SULT2B1: variants seen among roughly 807,000 people sequenced by gnomAD.
SULT2B1 encodes the protein sulfotransferase 2B1.
SULT2B1 carries 16 observed loss-of-function variants against 33.2 expected under a neutral mutation model. The ratio of observed to expected loss-of-function variants is 0.48; its 90% confidence interval spans 0.33 to 0.73. SULT2B1 has a LOEUF of 0.73. Among genes scored for constraint, SULT2B1 ranks in the 30% least tolerant of loss-of-function variants. The pLI, the probability that SULT2B1 is intolerant of heterozygous loss-of-function variation, is 0.02. For missense variants in SULT2B1, 500 were observed against 506.0 expected (o/e 0.99, Z 0.11); for synonymous variants, 186 against 200.5 (o/e 0.93, Z 0.61).
chr19:48,554,858 G>C (rs1973077221), intron 1 of SULT2B1, among the ~76,000 whole-genome samples: 1 of 151,614 alleles, frequency 6.6e-6, no homozygotes, highest in African/African-American at 2.4e-5. Context: ...GAGAGGTTGA[G>C]TAACTTGCCT....
chr19:48,599,091 G>A lies in SULT2B1; in HGVS notation c.827-44G>A. 6.5e-7 allele frequency: 1 copy of A among 1,540,448 alleles called. No homozygotes were observed. The highest frequency in any genetic ancestry group is 8.7e-7 in the Non-Finnish European group (1 of 1,148,094). On this transcript the variant is annotated intron_variant, in intron 6 of 6. Transcript: ENST00000201586. This position sits in a 1 kb window ranked among gnomAD's most constrained non-coding sequence, Gnocchi z 4.1. ...GGAATGTTGGAGGTAGGGGCGCAGT[G>A]CTCCCCAGAGGCTCCTCACCCCCTG...
At chr19:48,591,025 G>C (rs567630063) in intron 3 of SULT2B1, 1 of 152,194 alleles carries the variant, frequency 6.6e-6, no homozygotes, top group Admixed American at 6.6e-5. Context: ...TAGAATGGGG[G>C]TCTCATTATG....
intron 1 of SULT2B1, among the ~76,000 whole-genome samples, chr19:48,560,041 T>C (rs946266516): frequency 5.3e-5 from 8 of 151,304 alleles, no homozygotes; most frequent in African/African-American, 1.7e-4. Context: ...CCCCTATGGC[T>C]CAGGAGCTGG....
At chr19:48,567,464 A>G (rs1430472284) in intron 1 of SULT2B1, among the ~76,000 whole-genome samples, 1 of 152,006 alleles carries the variant, frequency 6.6e-6, no homozygotes. Flanking sequence ...CAGGAGTCTG[A>G]GGCAGGAGAA....
intron 1 of SULT2B1, among the ~76,000 whole-genome samples, chr19:48,566,892 T>A (rs114985570): frequency 0.13 from 19,770 of 151,396 alleles, 1,385 homozygotes; most frequent in African/African-American, 0.16. Context: ...AATCCCAGCT[T>A]CTTGGGAAGT....
intron 1 of SULT2B1, among the ~76,000 whole-genome samples, chr19:48,573,973 G>A (rs550934344): frequency 6.6e-6 from 1 of 152,168 alleles, no homozygotes; most frequent in South Asian, 2.1e-4. Context: ...TGATCCTCCC[G>A]CCTCAGACTC....
Position 48,599,066 on chromosome 19 carries a change from G to A in SULT2B1, c.827-69G>A. On this transcript the variant is annotated intron_variant, in intron 6 of 6. Transcript: ENST00000201586. The surrounding 1 kb of genome is among the most constrained non-coding windows in gnomAD (Gnocchi z 4.1). ...GGCCGGGAAGGGGAAGGAGGTTGCTGGAATGTTGGAGGTAGGGGCGCAGTG... is the reference window on the plus strand; with the variant it reads ...GGCCGGGAAGGGGAAGGAGGTTGCTAGAATGTTGGAGGTAGGGGCGCAGTG... The A allele has an allele frequency of 6.6e-7, 1 of 1,518,068 alleles. No individual in the cohort carries two copies. The highest frequency in any genetic ancestry group is 8.8e-7 in the Non-Finnish European group (1 of 1,138,310). The allele number at this position is 1,518,068 out of a possible 1,614,324, so 94.0% of individuals were successfully genotyped here. A position where few individuals can be genotyped will look rare whatever the true frequency, so the allele number is the denominator to read the frequency against.
Position 48,576,053 on chromosome 19 carries a change from G to C in SULT2B1, c.184G>C (p.Asp62His), listed in dbSNP as rs750329743. 5 of 1,613,176 alleles carry C rather than the reference G, an allele frequency of 3.1e-6. No homozygotes were observed. The South Asian group carries it at 4.4e-5, about 14-fold the overall frequency. The change falls in exon 2 of 7, where the codon GAC becomes CAC. Residue 62 changes from aspartate to histidine, a missense_variant. Asp to His is a moderately conservative substitution (Grantham distance 81, BLOSUM62 -1). Coordinates refer to ENST00000201586, the MANE Select transcript of SULT2B1 (RefSeq NM_177973.2). ...AENTQDVRDD[D>H]IFIITYPKSG... ...GAACACCCAAGATGTGCGGGACGAC[G>C]ACATCTTTATCATCACCTACCCCAA...
chr19:48,593,409 G>A lies in SULT2B1; in HGVS notation c.645+593G>A, dbSNP rs1367683781. Among the ~76,000 whole-genome samples, 4 of 151,630 alleles carry A rather than the reference G, an allele frequency of 2.6e-5. No homozygotes were observed. The East Asian group carries it at 8.0e-4, about 30-fold the overall frequency. ...TCTACTAAAAATACAAAAATTAGCC[G>A]GGCACAGTGGCACATGCCTGTAGTC... On this transcript the variant is annotated intron_variant, in intron 5 of 6. Transcript: ENST00000201586.
chr19:48,592,879 C>G, intron 5 of SULT2B1, 63 bp downstream of exon 5: 1 of 1,420,018 alleles, frequency 7.0e-7, no homozygotes, highest in Non-Finnish European at 9.7e-7. Context: ...ACCCCACACT[C>G]TCCCCTTCCC....
intron 6 of SULT2B1, 75 bp downstream of exon 6, chr19:48,596,994 T>C: frequency 7.1e-7 from 1 of 1,415,380 alleles, no homozygotes; most frequent in Non-Finnish European, 9.4e-7. Flanking sequence ...ACTTAACCTC[T>C]CTGGGCCTCA....
intron 2 of SULT2B1, among the ~76,000 whole-genome samples, chr19:48,583,217 G>C (rs1251740221): frequency 6.6e-6 from 1 of 151,822 alleles, no homozygotes; most frequent in African/African-American, 2.4e-5. Context: ...TGAGAAAATG[G>C]GGCCCTTGTG....
chr19:48,589,087 C>G (rs2147623831), intron 3 of SULT2B1, among the ~76,000 whole-genome samples: 1 of 152,230 alleles, frequency 6.6e-6, no homozygotes, highest in South Asian at 2.1e-4. Flanking sequence ...AGATGGGGAC[C>G]GACTGTCGAG....
chr19:48,596,882 C>A lies in SULT2B1; in HGVS notation c.789C>A (p.Ser263Arg), dbSNP rs1218919183. Reference protein sequence around the residue: ...TMSNYTLLPPSLLDHRRGAFL... With the variant: ...TMSNYTLLPPRLLDHRRGAFL... ...CCAACTACACGCTGCTGCCTCCCAG[C>A]CTGCTGGACCACCGTCGCGGGGCCT... The change falls in exon 6 of 7, where the codon AGC becomes AGA. Residue 263 changes from serine to arginine, a missense_variant. Physicochemically the swap from Ser to Arg is moderately radical, Grantham distance 110 (BLOSUM62 -1). Transcript: ENST00000201586. 1.2e-6 allele frequency: 2 copies of A among 1,605,778 alleles called. No homozygotes were observed. The highest frequency in any genetic ancestry group is 1.7e-5 in the Admixed American group (1 of 59,644).
At chr19:48,588,968 G>A (rs529594258) in intron 3 of SULT2B1, among the ~76,000 whole-genome samples, 29 of 152,358 alleles carry the variant, frequency 1.9e-4, no homozygotes, top group African/African-American at 6.5e-4. Context: ...GGGCCGCGTG[G>A]GCCCGGTGCG....
At position 48,596,823 on chromosome 19, in the gene SULT2B1, T is replaced by G. The variant is rs765224593; in HGVS notation, c.730T>G (p.Ser244Ala). The G allele has an allele frequency of 6.2e-7, 1 of 1,609,988 alleles. No homozygotes were observed. The highest frequency in any genetic ancestry group is 2.2e-5 in the East Asian group (1 of 44,864). ...KEALGSVVAH[S>A]TFSAMKANTM... is the part of the protein sequence containing the mutation. ...GGCACTGGGCTCCGTCGTGGCACAC[T>G]CAACCTTCAGCGCCATGAAGGCCAA... Residue 244 changes from serine to alanine, a missense_variant, in exon 6 of 7, where the codon TCA becomes GCA. Coordinates refer to ENST00000201586, the MANE Select transcript of SULT2B1 (RefSeq NM_177973.2).
Position 48,599,246 on chromosome 19 carries a change from CGGA to C in SULT2B1, c.945_947del (p.Glu315del). On this transcript the variant is annotated inframe_deletion, in exon 7 of 7. Coordinates refer to ENST00000201586, the MANE Select transcript of SULT2B1 (RefSeq NM_177973.2). The surrounding 1 kb of genome is among the most constrained non-coding windows in gnomAD (Gnocchi z 4.1). ...CCGACCTTCCCCTGGGATGAAGACC[CGGA>C]GGAGGACGGCAGCCCAGATCCTGAG... The C allele has an allele frequency of 6.2e-7, 1 of 1,609,850 alleles. No individual in the cohort carries two copies. The highest frequency in any genetic ancestry group is 8.5e-7 in the Non-Finnish European group (1 of 1,178,696).
intron 2 of SULT2B1, among the ~76,000 whole-genome samples, chr19:48,582,656 T>C (rs765250722): frequency 4.6e-4 from 70 of 151,974 alleles, no homozygotes; most frequent in Admixed American, 1.7e-3. Flanking sequence ...GAGACCAGAC[T>C]GGCCTACATG....
At chr19:48,564,677 A>T (rs140300930) in intron 1 of SULT2B1, among the ~76,000 whole-genome samples, 1,730 of 151,880 alleles carry the variant, frequency 0.011, 22 homozygotes, top group African/African-American at 0.033. Context: ...AATTTTTAAA[A>T]TTTTTTTCTT....
Sources: allele counts gnomAD v4.1 joint callset (sites outside exome capture counted in the v4.1 genomes callset), GRCh38; gene constraint gnomAD v4.1.1; non-coding constraint Gnocchi (gnomAD v3.1); transcripts MANE v1.5; gene names NCBI Gene and HGNC (gene_info 2026-07-23, HGNC 2026-07-21).